The following AMPH variants were observed in gnomAD, a reference collection of about 807,000 sequenced individuals.
AMPH encodes the protein amphiphysin.
A neutral mutation model predicts 99.1 loss-of-function variants in AMPH; 49 were observed. The ratio of observed to expected loss-of-function variants is 0.49; its 90% CI spans 0.39 to 0.63. AMPH has a LOEUF of 0.63. AMPH is among the 20% of genes least tolerant of loss of function. The pLI, the probability that AMPH is intolerant of heterozygous loss-of-function variation, is 0.00. For synonymous variants in AMPH, 314 were observed against 317.3 expected (o/e 0.99, Z 0.11); for missense variants, 759 against 863.4 (o/e 0.88, Z 1.52).
chr7:38,397,980 G>A lies in AMPH; in HGVS notation c.1399-3766C>T, dbSNP rs531840738. Reference sequence around the variant, plus strand: ...GATCTCATCTCACCCCAGTTAAAACGGCTTTTATCCAAAAGACAGGCAATA... The same window carrying A: ...GATCTCATCTCACCCCAGTTAAAACAGCTTTTATCCAAAAGACAGGCAATA... On this transcript the variant is annotated intron_variant, in intron 17 of 20. Coordinates refer to ENST00000356264, the MANE Select transcript of AMPH (RefSeq NM_001635.4). Among the ~76,000 whole-genome samples, 87 of 151,830 alleles carry A rather than the reference G, an allele frequency of 5.7e-4. 4 individuals carry two copies. In the South Asian group the frequency reaches 0.017, roughly 30 times the overall value.
chr7:38,603,314 C>CAAAAAAAAA (rs59085219), intron 1 of AMPH, among the ~76,000 whole-genome samples: 1 of 94,886 alleles, frequency 1.1e-5, no homozygotes, highest in African/African-American at 4.1e-5. Flanking sequence ...GACTCTGTCT[C>CAAAAAAAAA]AAAAAAAAAA....
chr7:38,602,776 A>T (rs1793294094), intron 1 of AMPH, among the ~76,000 whole-genome samples: 1 of 152,176 alleles, frequency 6.6e-6, no homozygotes, highest in African/African-American at 2.4e-5. Context: ...CCTTGACGTG[A>T]CACCCTGAAA....
intron 1 of AMPH, among the ~76,000 whole-genome samples, chr7:38,625,457 T>C (rs1794211172): frequency 6.6e-6 from 1 of 152,124 alleles, no homozygotes; most frequent in Non-Finnish European, 1.5e-5. Flanking sequence ...CATGAAAAAC[T>C]TAATCCTCAC....
chr7:38,432,274 A>G (rs1786060768), intron 12 of AMPH, 62 bp from the exon 13 acceptor site: 1 of 1,446,374 alleles, frequency 6.9e-7, no homozygotes, highest in Admixed American at 1.7e-5. Context: ...AAAAATGCTG[A>G]GGTGACAAAA....
chr7:38,389,743 C>G, intron 20 of AMPH, 61 bp downstream of exon 20: 1 of 1,273,772 alleles, frequency 7.9e-7, no homozygotes, highest in Non-Finnish European at 1.1e-6. Flanking sequence ...GTGATTGTGT[C>G]CAACAGACCC....
At chr7:38,469,976 T>C (rs1193041684) in intron 7 of AMPH, among the ~76,000 whole-genome samples, 2 of 152,192 alleles carry the variant, frequency 1.3e-5, no homozygotes, top group Non-Finnish European at 2.9e-5. Flanking sequence ...CCATTCCACC[T>C]GCTTCTTTCA....
At chr7:38,495,808 T>C (rs959123794) in intron 3 of AMPH, among the ~76,000 whole-genome samples, 4 of 152,170 alleles carry the variant, frequency 2.6e-5, no homozygotes, top group Non-Finnish European at 5.9e-5. Context: ...CATTAAAGAA[T>C]AGCATTAAAG....
At chr7:38,599,905 A>C (rs1332368393) in intron 1 of AMPH, among the ~76,000 whole-genome samples, 1 of 151,978 alleles carries the variant, frequency 6.6e-6, no homozygotes, top group East Asian at 1.9e-4. Flanking sequence ...CCAACAGTCC[A>C]CTGTTATGAG....
intron 2 of AMPH, among the ~76,000 whole-genome samples, chr7:38,525,581 C>T (rs12536311): frequency 0.49 from 73,426 of 151,132 alleles, 18,561 homozygotes; most frequent in African/African-American, 0.64. Flanking sequence ...CTTGTATTGA[C>T]TTTTTATAAC....
At chr7:38,577,261 C>T (rs1346271665) in intron 1 of AMPH, among the ~76,000 whole-genome samples, 1 of 152,190 alleles carries the variant, frequency 6.6e-6, no homozygotes, top group Non-Finnish European at 1.5e-5. Context: ...GGTCTCCAAA[C>T]TGCATGCAGT....
chr7:38,487,054 G>A (rs145850261), intron 5 of AMPH, among the ~76,000 whole-genome samples: 272 of 151,858 alleles, frequency 1.8e-3, no homozygotes, highest in African/African-American at 6.4e-3. Context: ...CTTTTCAAAC[G>A]AAAAAATTAG....
intron 17 of AMPH, among the ~76,000 whole-genome samples, chr7:38,412,057 T>C (rs1269691120): frequency 6.6e-6 from 1 of 152,120 alleles, no homozygotes; most frequent in Non-Finnish European, 1.5e-5. Context: ...CATAGCACAT[T>C]GGCAGGTACC....
chr7:38,571,249 TATATATTAA>T (rs1225176649), intron 1 of AMPH, among the ~76,000 whole-genome samples: 2 of 79,908 alleles, frequency 2.5e-5, no homozygotes, highest in African/African-American at 1.0e-4. Flanking sequence ...TAATTATAAA[TATATATTAA>T]ATATATATTT....
rs756707743 is a variant in AMPH, at chr7:38,394,131, C to T, written c.1482G>A (p.Ala494=). The T allele has an allele frequency of 1.8e-5, 29 of 1,614,182 alleles. 1 individual carries two copies. Among genetic ancestry groups the T allele is most frequent in the East Asian group, 8.9e-5 (4 of 44,876 alleles). ...CCCCGGCAGGGACAGTGGCCTTCTC[C>T]GCCTCTGCTTCCTCTCCTGGGGCCC... The part of the protein sequence containing the change: ...AEGAPGEEAE[A]EKATVPAGEG... The change falls in exon 18 of 21, where the codon GCG becomes GCA. Residue 494 remains alanine (A), a synonymous_variant. Transcript: ENST00000356264.
At position 38,481,171 on chromosome 7, in the gene AMPH, C is replaced by T. The variant is rs753693152; in HGVS notation, c.397-4202G>A. Among the ~76,000 whole-genome samples the T allele has an allele frequency of 9.2e-5, 14 of 151,996 alleles. No homozygotes were observed. In the East Asian group the frequency reaches 1.4e-3, roughly 15 times the overall value. The stretch of plus-strand genomic sequence containing the variant: ...TAGAAAAGATAAATCAATCTTATTT[C>T]CTTACCTATCTGATATTTGGGAAAC... On this transcript the variant is annotated intron_variant, in intron 5 of 20. Coordinates refer to ENST00000356264, the MANE Select transcript of AMPH (RefSeq NM_001635.4).
intron 17 of AMPH, among the ~76,000 whole-genome samples, chr7:38,416,126 T>TATATATATATA (rs70975100): frequency 3.0e-4 from 40 of 132,186 alleles, no homozygotes; most frequent in East Asian, 4.7e-4. Context: ...TATATATATA[T>TATATATATATA]TAGCTATTAC....
intron 1 of AMPH, among the ~76,000 whole-genome samples, chr7:38,588,076 C>G (rs1470721912): frequency 2.0e-5 from 3 of 151,912 alleles, no homozygotes; most frequent in Non-Finnish European, 4.4e-5. Context: ...CTCTGCCTCC[C>G]AAGTAGGTGG....
chr7:38,547,152 C>T (rs1197278583), intron 1 of AMPH, among the ~76,000 whole-genome samples: 2 of 152,132 alleles, frequency 1.3e-5, no homozygotes, highest in African/African-American at 2.4e-5. Context: ...TAAAAGCTCC[C>T]TCCCCTTGCT....
chr7:38,585,605 G>A lies in AMPH; in HGVS notation c.69+45678C>T, dbSNP rs143115840. Among the ~76,000 whole-genome samples, 1,140 of 152,268 alleles carry A rather than the reference G, an allele frequency of 7.5e-3. 13 individuals are homozygous for A. Among genetic ancestry groups the A allele is most frequent in the African/African-American group, 0.026 (1,067 of 41,550 alleles). Reference sequence around the variant, plus strand: ...ATGCAGAAAAAGTGCTTTATACTAGGTTCTGCTGTTATTTTACACACCACA... The same window carrying A: ...ATGCAGAAAAAGTGCTTTATACTAGATTCTGCTGTTATTTTACACACCACA... On this transcript the variant is annotated intron_variant, in intron 1 of 20. Coordinates refer to ENST00000356264, the MANE Select transcript of AMPH (RefSeq NM_001635.4).
Sources: gnomAD v4.1 joint callset for allele counts (sites outside exome capture counted in the v4.1 genomes callset) on GRCh38, gnomAD v4.1.1 for gene constraint, MANE v1.5 for transcripts, NCBI Gene and HGNC (gene_info 2026-07-23, HGNC 2026-07-21) for gene names.